The following SOX5 variants were observed in gnomAD, a reference collection of about 807,000 sequenced individuals.
SOX5 encodes the protein SRY-box transcription factor 5.
In SOX5, 9 loss-of-function variants were observed where a neutral mutation model predicts 92.0. That is an observed-to-expected ratio of 0.10 (90% CI 0.06 to 0.17). The LOEUF is 0.17. Among genes scored for constraint, SOX5 ranks in the 10% least tolerant of loss-of-function variants. The probability of loss-of-function intolerance (pLI) is 1.00; values close to 1 mark genes in which losing one functional copy is unlikely to be tolerated. For missense variants in SOX5, 642 were observed against 944.5 expected, an observed-to-expected ratio of 0.68 and a Z score of 4.20; for synonymous variants, 344 against 336.3, an observed-to-expected ratio of 1.02 and a Z score of -0.25.
chr12:24,377,721 A>C (rs1957429456), intron 1 of SOX5, among the ~76,000 whole-genome samples: 1 of 152,210 alleles, frequency 6.6e-6, no homozygotes, highest in Admixed American at 6.5e-5. Flanking sequence ...CTAGCTGTAT[A>C]ATCTCTTGCC....
intron 1 of SOX5, among the ~76,000 whole-genome samples, chr12:24,390,353 A>G (rs1300931608): frequency 6.6e-6 from 1 of 152,218 alleles, no homozygotes; most frequent in Non-Finnish European, 1.5e-5. Flanking sequence ...GTTGACTTAT[A>G]TTGAACATAA....
chr12:23,955,637 A>G (rs1177353094), upstream of SOX5, among the ~76,000 whole-genome samples: 4 of 151,806 alleles, frequency 2.6e-5, no homozygotes, highest in East Asian at 5.8e-4. Context: ...TACACTATCA[A>G]CTCTCCTTGT....
At chr12:24,020,175 A>T (rs1298429494) in intron 4 of SOX5, among the ~76,000 whole-genome samples, 1 of 152,180 alleles carries the variant, frequency 6.6e-6, no homozygotes, top group Non-Finnish European at 1.5e-5. Flanking sequence ...ACTCTATACA[A>T]TATGTAGGTA....
intron 6 of SOX5, among the ~76,000 whole-genome samples, chr12:23,677,314 C>G (rs1220208367): frequency 6.6e-6 from 1 of 152,096 alleles, no homozygotes; most frequent in African/African-American, 2.4e-5. Flanking sequence ...AACCCAAGAA[C>G]TGCATTTACG....
chr12:24,285,722 A>AC (rs2140455005), intron 2 of SOX5, among the ~76,000 whole-genome samples: 1 of 152,334 alleles, frequency 6.6e-6, no homozygotes, highest in Admixed American at 6.5e-5. Flanking sequence ...ACAAAACATG[A>AC]CCTTCCAGTG....
chr12:24,318,502 T>C (rs1442278740), intron 2 of SOX5, among the ~76,000 whole-genome samples: 1 of 152,212 alleles, frequency 6.6e-6, no homozygotes, highest in African/African-American at 2.4e-5. Flanking sequence ...ACTGTCTGTC[T>C]CAGGATCTTT....
intron 13 of SOX5, among the ~76,000 whole-genome samples, chr12:23,538,008 A>C (rs1302016835): frequency 2.6e-5 from 4 of 151,894 alleles, no homozygotes; most frequent in Non-Finnish European, 5.9e-5. Flanking sequence ...ATCTGCAAAT[A>C]GTCATCTCAA....
In SOX5 at chr12:23,626,079, G is replaced by GA. The variant is rs199881253; in HGVS notation, c.1017+14732dup. 9.7e-3 allele frequency among the ~76,000 whole-genome samples: 1,477 copies of GA among 151,750 alleles called. 19 individuals are homozygous for GA. The highest frequency in any genetic ancestry group is 0.033 in the African/African-American group (1,362 of 41,390). Reference sequence around the variant, plus strand: ...CAGAGGAAGGTAGTTAAAAATAGAGGAAAAAATGAAGAAAAAAGGAAAGAG... The same window carrying GA: ...CAGAGGAAGGTAGTTAAAAATAGAGGAAAAAAATGAAGAAAAAAGGAAAGAG... On this transcript the variant is annotated intron_variant, in intron 8 of 14. Transcript: ENST00000451604.
At chr12:23,827,511 T>C (rs1039756307) in intron 3 of SOX5, among the ~76,000 whole-genome samples, 10 of 152,184 alleles carry the variant, frequency 6.6e-5, no homozygotes, top group East Asian at 5.8e-4. Context: ...ATGAAAGATG[T>C]ATTTACTTGT....
At chr12:24,300,882 C>T (rs1477568695) in intron 2 of SOX5, among the ~76,000 whole-genome samples, 2 of 152,148 alleles carry the variant, frequency 1.3e-5, no homozygotes, top group Non-Finnish European at 2.9e-5. Context: ...AATATGTGTG[C>T]CTTAACTGGA....
chr12:24,401,708 T>TAA (rs71063321), intron 1 of SOX5, among the ~76,000 whole-genome samples: 1,689 of 99,342 alleles, frequency 0.017, 35 homozygotes, highest in African/African-American at 0.037. Flanking sequence ...ACCCTATCTT[T>TAA]AAAAAAAAAA....
intron 1 of SOX5, among the ~76,000 whole-genome samples, chr12:24,503,052 C>T (rs1484525348): frequency 6.6e-6 from 1 of 152,090 alleles, no homozygotes; most frequent in East Asian, 1.9e-4. Flanking sequence ...TGGATGGGAT[C>T]GTGGATCACA....
chr12:24,085,488 C>G (rs1387643422), intron 4 of SOX5, among the ~76,000 whole-genome samples: 1 of 152,060 alleles, frequency 6.6e-6, no homozygotes, highest in Non-Finnish European at 1.5e-5. Flanking sequence ...TTCTTAGCTT[C>G]AACAAATTAT....
At chr12:24,426,525 G>A (rs560041267) in intron 1 of SOX5, among the ~76,000 whole-genome samples, 124 of 152,256 alleles carry the variant, frequency 8.1e-4, no homozygotes, top group Non-Finnish European at 1.5e-3. Flanking sequence ...TTAAATATCA[G>A]AACTCACATT....
intron 2 of SOX5, among the ~76,000 whole-genome samples, chr12:24,328,220 T>C (rs996273042): frequency 6.6e-6 from 1 of 152,214 alleles, no homozygotes; most frequent in Non-Finnish European, 1.5e-5. Context: ...GCAAATCCTA[T>C]TTCCTGAATA....
At chr12:24,463,283 G>A (rs896842326) in intron 1 of SOX5, among the ~76,000 whole-genome samples, 3 of 151,810 alleles carry the variant, frequency 2.0e-5, no homozygotes, top group African/African-American at 7.3e-5. Context: ...AGCAACATTT[G>A]GGGCAATTGA....
chr12:23,929,946 C>A (rs1057407381), intron 1 of SOX5, among the ~76,000 whole-genome samples: 1 of 151,914 alleles, frequency 6.6e-6, no homozygotes, highest in South Asian at 2.1e-4. Context: ...TAAAAGAGGA[C>A]AATCAACAGG....
chr12:24,550,166 A>C (rs1953017204), intron 1 of SOX5, among the ~76,000 whole-genome samples: 1 of 152,226 alleles, frequency 6.6e-6, no homozygotes, highest in Non-Finnish European at 1.5e-5. Context: ...TTATTAGGAA[A>C]ATTCAATAAA....
intron 2 of SOX5, among the ~76,000 whole-genome samples, chr12:24,292,338 G>A (rs1418301052): frequency 6.6e-6 from 1 of 151,962 alleles, no homozygotes; most frequent in East Asian, 1.9e-4. Context: ...TAATGCTTCA[G>A]GATTATTTAT....
Sources: allele counts gnomAD v4.1 joint callset (sites outside exome capture counted in the v4.1 genomes callset), GRCh38; gene constraint gnomAD v4.1.1; transcripts MANE v1.5; gene names NCBI Gene and HGNC (gene_info 2026-07-23, HGNC 2026-07-21).